The following FAR1 variants were observed in gnomAD, a reference collection of about 807,000 sequenced individuals.
FAR1 encodes the protein fatty acyl-CoA reductase 1, also known as male sterility domain-containing protein 2.
Under a neutral mutation model 61.1 loss-of-function variants are expected in FAR1, and 22 were observed. That is an observed-to-expected ratio of 0.36 (90% CI 0.26 to 0.51). FAR1 has a LOEUF of 0.51. FAR1 is among the 20% of genes least tolerant of loss of function. The probability of loss-of-function intolerance (pLI) is 0.95; values close to 1 mark genes in which losing one functional copy is unlikely to be tolerated. For synonymous variants in FAR1, 206 were observed against 209.7 expected (o/e 0.98, Z 0.15); for missense variants, 359 against 626.9 (o/e 0.57, Z 4.56).
At chr11:13,722,011 G>A in intron 10 of FAR1, 152 bp downstream of exon 10, 1 of 604,652 alleles carries the variant, frequency 1.7e-6, no homozygotes, top group Non-Finnish European at 2.6e-6. Flanking sequence ...AATTGTTAGT[G>A]GTGAAATAAA....
At chr11:13,676,980 G>C (rs577311434) in intron 1 of FAR1, among the ~76,000 whole-genome samples, 1 of 152,294 alleles carries the variant, frequency 6.6e-6, no homozygotes, top group Non-Finnish European at 1.5e-5. Flanking sequence ...GATCAGAGAG[G>C]TTGACTTGCC....
intron 3 of FAR1, among the ~76,000 whole-genome samples, chr11:13,707,457 G>A (rs1190402391): frequency 2.6e-5 from 4 of 152,084 alleles, no homozygotes; most frequent in African/African-American, 7.2e-5. Context: ...TTCTCTGGCT[G>A]TATCACCCTT....
chr11:13,717,220 A>T (rs1458700504), intron 9 of FAR1, among the ~76,000 whole-genome samples: 5 of 151,704 alleles, frequency 3.3e-5, no homozygotes, highest in Admixed American at 2.6e-4. Flanking sequence ...GGGTTTTGTC[A>T]TCTAAATCTG....
intron 1 of FAR1, 25 bp from the exon 2 acceptor site, chr11:13,694,734 T>A (rs771515994): frequency 6.4e-7 from 1 of 1,568,276 alleles, no homozygotes; most frequent in Non-Finnish European, 8.7e-7. Flanking sequence ...CTTAAACTAA[T>A]GCTTATTTGC....
intron 3 of FAR1, 31 bp downstream of exon 3, chr11:13,700,523 C>G (rs992203495): frequency 1.2e-5 from 15 of 1,295,064 alleles, no homozygotes; most frequent in Non-Finnish European, 1.6e-5. Flanking sequence ...AATATTTGAA[C>G]TTCAGTATAG....
intron 2 of FAR1, among the ~76,000 whole-genome samples, chr11:13,699,810 A>G (rs939325975): frequency 6.6e-6 from 1 of 152,152 alleles, no homozygotes; most frequent in Non-Finnish European, 1.5e-5. Context: ...CCTTGAACAT[A>G]TTGACTTTGT....
At chr11:13,702,137 A>G (rs1848383109) in intron 3 of FAR1, among the ~76,000 whole-genome samples, 1 of 152,168 alleles carries the variant, frequency 6.6e-6, no homozygotes, top group Non-Finnish European at 1.5e-5. Context: ...AATATTGTGC[A>G]GCCATTATGT....
intron 3 of FAR1, among the ~76,000 whole-genome samples, chr11:13,703,066 A>T (rs1848394483): frequency 6.6e-6 from 1 of 152,240 alleles, no homozygotes; most frequent in Admixed American, 6.5e-5. Flanking sequence ...AAGCAATTTT[A>T]ATGGATGTTG....
intron 3 of FAR1, among the ~76,000 whole-genome samples, chr11:13,701,300 A>G (rs1349463856): frequency 6.6e-6 from 1 of 152,156 alleles, no homozygotes; most frequent in Non-Finnish European, 1.5e-5. Flanking sequence ...TAACAAAGAA[A>G]TGATAAGTGT....
chr11:13,705,474 ACT>A (rs1353715261), intron 3 of FAR1, among the ~76,000 whole-genome samples: 5 of 152,166 alleles, frequency 3.3e-5, no homozygotes, highest in African/African-American at 1.2e-4. Flanking sequence ...TGACCTAGAA[ACT>A]CTGTCACCAT....
At chr11:13,704,855 T>G (rs1432270750) in intron 3 of FAR1, among the ~76,000 whole-genome samples, 1 of 152,226 alleles carries the variant, frequency 6.6e-6, no homozygotes, top group East Asian at 1.9e-4. Flanking sequence ...ATATAGTCTT[T>G]CAGACCTCAT....
rs370381948 is a variant in FAR1, at chr11:13,698,987, T to C, written c.190-1330T>C. Among the ~76,000 whole-genome samples, 6 of 152,316 alleles carry C rather than the reference T, an allele frequency of 3.9e-5. No homozygotes were observed. In the East Asian group the frequency reaches 1.2e-3, roughly 29 times the overall value. ...TACTCTATGTTCCAGGCTGACTGAA[T>C]TATTTTTAATTTCCCAAGCATATTA... On this transcript the variant is annotated intron_variant, in intron 2 of 11. Coordinates refer to ENST00000354817, the MANE Select transcript of FAR1 (RefSeq NM_032228.6).
At chr11:13,672,017 CA>C (rs1186621569) in intron 1 of FAR1, among the ~76,000 whole-genome samples, 1 of 152,044 alleles carries the variant, frequency 6.6e-6, no homozygotes, top group Non-Finnish European at 1.5e-5. Flanking sequence ...TGGTGGTTAG[CA>C]ACAAAGTATA....
intron 1 of FAR1, among the ~76,000 whole-genome samples, chr11:13,684,634 T>C (rs1235131793): frequency 6.6e-6 from 1 of 152,208 alleles, no homozygotes; most frequent in African/African-American, 2.4e-5. Context: ...ATTTCTATTG[T>C]GTCTTGGTGC....
intron 1 of FAR1, among the ~76,000 whole-genome samples, chr11:13,688,034 G>A (rs1452920709): frequency 6.6e-6 from 1 of 151,630 alleles, no homozygotes; most frequent in Admixed American, 6.6e-5. Flanking sequence ...CACCAACATG[G>A]CACATGTATA....
At position 13,692,820 on chromosome 11, in the gene FAR1, A is replaced by G. The variant is rs75685182; in HGVS notation, c.-7-1939A>G. On this transcript the variant is annotated intron_variant, in intron 1 of 11. Transcript: ENST00000354817. ...ATATTATGGATGCAGCAGTCTTGTG[A>G]ACAACTTAGAGAATATAGGAATTTA... Among the ~76,000 whole-genome samples, 503 of 152,278 alleles carry G rather than the reference A, an allele frequency of 3.3e-3. 9 individuals are homozygous for G. In the East Asian group the frequency reaches 0.056, roughly 17 times the overall value.
chr11:13,681,890 CTT>C (rs1848131465), intron 1 of FAR1, among the ~76,000 whole-genome samples: 1 of 152,052 alleles, frequency 6.6e-6, no homozygotes, highest in Non-Finnish European at 1.5e-5. Flanking sequence ...AAATTCTGTG[CTT>C]TTTTATTATT....
intron 1 of FAR1, among the ~76,000 whole-genome samples, chr11:13,685,976 C>G (rs1041919553): frequency 1.3e-5 from 2 of 152,148 alleles, no homozygotes; most frequent in African/African-American, 4.8e-5. Context: ...ATTTTAACCC[C>G]TTCACTTTCT....
At chr11:13,718,388 T>A (rs950403063) in intron 9 of FAR1, among the ~76,000 whole-genome samples, 3 of 152,210 alleles carry the variant, frequency 2.0e-5, no homozygotes, top group Admixed American at 6.5e-5. Flanking sequence ...AGTTTATTAG[T>A]ACACTTTCTA....
Sources: allele counts gnomAD v4.1 joint callset (sites outside exome capture counted in the v4.1 genomes callset), GRCh38; gene constraint gnomAD v4.1.1; transcripts MANE v1.5; gene names NCBI Gene and HGNC (gene_info 2026-07-23, HGNC 2026-07-21).